LCN1: variants seen among roughly 807,000 people sequenced by gnomAD.
The protein encoded by LCN1 is lipocalin 1, also known as lipocalin-1.
Under a neutral mutation model 22.3 loss-of-function variants are expected in LCN1, and 25 were observed. The observed-to-expected ratio is 1.12, with a 90% CI of 0.82 to 1.56. LCN1 has a LOEUF of 1.56. Ranked by LOEUF, LCN1 falls within the 40% of genes most tolerant of loss-of-function variation. LCN1 has a pLI of 0.00. For missense variants in LCN1, 219 were observed against 235.6 expected (o/e 0.93, Z 0.46); for synonymous variants, 85 against 97.6 (o/e 0.87, Z 0.76).
chr9:135,522,859 C>T (rs1368894027), intron 2 of LCN1, among the ~76,000 whole-genome samples: 1 of 152,206 alleles, frequency 6.6e-6, no homozygotes, highest in East Asian at 1.9e-4. Flanking sequence ...GGATATGGGG[C>T]TTGTGCCTGA....
chr9:135,526,336 C>G lies in LCN1; in HGVS notation c.*2-8C>G, dbSNP rs1468550396. The G allele has an allele frequency of 2.4e-6, 3 of 1,250,748 alleles. No homozygotes were observed. Among genetic ancestry groups the G allele is most frequent in the African/African-American group, 1.6e-5 (1 of 62,322 alleles). The allele number at this position is 1,250,748 out of a possible 1,614,324, so 77.5% of individuals were successfully genotyped here. A position where few individuals can be genotyped will look rare whatever the true frequency, so the allele number is the denominator to read the frequency against. ...TCCTGGCCTCACTCACCCTCCCCCC[C>G]TTTCCAGGGCAGGGGACACCTTGGC... On this transcript the variant is annotated splice_polypyrimidine_tract_variant and splice_region_variant and intron_variant, in intron 6 of 6. Transcript: ENST00000371781.
At chr9:135,525,229 T>TG in intron 6 of LCN1, 71 bp downstream of exon 6, 1 of 1,471,426 alleles carries the variant, frequency 6.8e-7, no homozygotes, top group Non-Finnish European at 9.4e-7. Flanking sequence ...CCAGAGGCCA[T>TG]GGGGTCTCTC....
chr9:135,521,667 A>T, intron 1 of LCN1, 80 bp downstream of exon 1: 3 of 1,243,480 alleles, frequency 2.4e-6, no homozygotes, highest in South Asian at 2.7e-5. Flanking sequence ...TGCCTCCTCC[A>T]TCCAAGGAGA....
Position 135,522,244 on chromosome 9 carries a change from G to C in LCN1, c.221+67G>C, listed in dbSNP as rs1276755278. On this transcript the variant is annotated intron_variant, in intron 2 of 6. Coordinates refer to ENST00000371781, the MANE Select transcript of LCN1 (RefSeq NM_002297.4). ...TAGGGCCTTCCCTTTCCCCACCCAG[G>C]AGAGCTCTGGTGCTGGGGAGGTGGG... is the stretch of plus-strand genomic sequence containing the variant. The C allele has an allele frequency of 9.7e-6, 15 of 1,541,238 alleles. No homozygotes were observed. In the Admixed American group the frequency reaches 2.9e-4, roughly 30 times the overall value.
Position 135,523,316 on chromosome 9 carries a change from C to A in LCN1, c.292+14C>A, listed in dbSNP as rs377721700. 1.1e-5 allele frequency: 17 copies of A among 1,609,296 alleles called. No individual in the cohort carries two copies. In the Admixed American group the frequency reaches 1.5e-4, roughly 14 times the overall value. On this transcript the variant is annotated intron_variant, in intron 3 of 6. Transcript: ENST00000371781. ...AATACACGGCCGGTGAGTCCCGGGG[C>A]CTGAGCCAGAGCCTGAGCTTGAACA...
At position 135,521,555 on chromosome 9, in the gene LCN1, C is replaced by T; in HGVS notation, c.58C>T (p.His20Tyr). The T allele has an allele frequency of 3.1e-6, 5 of 1,613,602 alleles. No individual in the cohort carries two copies. Among genetic ancestry groups the T allele is most frequent in the South Asian group, 1.1e-5 (1 of 91,008 alleles). ...LGLIAALQAH[H>Y]LLASDEEIQD... ...CCTCATTGCTGCCCTGCAGGCCCAC[C>T]ACCTCCTGGCCTCAGACGAGGAGAT... The change falls in exon 1 of 7, where the codon CAC (histidine) becomes TAC (tyrosine). Residue 20 changes from histidine to tyrosine, a missense_variant. Physicochemically the swap from His to Tyr is moderately conservative, Grantham distance 83 (BLOSUM62 2). Coordinates refer to ENST00000371781, the MANE Select transcript of LCN1 (RefSeq NM_002297.4).
intron 1 of LCN1, 105 bp from the exon 2 acceptor site, chr9:135,521,942 C>T (rs576953212): frequency 2.1e-5 from 31 of 1,497,930 alleles, no homozygotes; most frequent in East Asian, 7.4e-5. Context: ...GAACGTTCCC[C>T]GTTTCCAGCC....
At chr9:135,525,622 C>G (rs1390487159) in intron 6 of LCN1, among the ~76,000 whole-genome samples, 1 of 152,070 alleles carries the variant, frequency 6.6e-6, no homozygotes, top group Non-Finnish European at 1.5e-5. Flanking sequence ...GGAGACTCGC[C>G]CAAGGTCACC....
At chr9:135,521,703 A>C (rs547830553) in intron 1 of LCN1, 116 bp downstream of exon 1, 1 of 797,098 alleles carries the variant, frequency 1.3e-6, no homozygotes, top group Admixed American at 2.7e-5. Flanking sequence ...TGGGCATTCA[A>C]GCCCTGCCCT....
intron 6 of LCN1, among the ~76,000 whole-genome samples, chr9:135,525,393 G>A (rs963897981): frequency 7.9e-5 from 12 of 152,244 alleles, no homozygotes; most frequent in African/African-American, 2.6e-4. Flanking sequence ...CGCTGAGCCC[G>A]CCTTTGCTGG....
chr9:135,526,359 G>A lies in LCN1; in HGVS notation c.*17G>A. ...CCCTTTCCAGGGCAGGGGACACCTT[G>A]GCTCCTCAGCAGCCCAAGGACGGCA... On this transcript the variant is annotated 3_prime_UTR_variant, in exon 7 of 7. Transcript: ENST00000371781. 1.6e-6 allele frequency: 2 copies of A among 1,262,798 alleles called. No individual in the cohort carries two copies. The highest frequency in any genetic ancestry group is 1.7e-5 in the African/African-American group (1 of 60,394). 78.2% of individuals were successfully genotyped at this position (1,262,798 alleles called of 1,614,324 possible).
At chr9:135,522,886 G>A (rs1421693110) in intron 2 of LCN1, among the ~76,000 whole-genome samples, 15 of 152,092 alleles carry the variant, frequency 9.9e-5, no homozygotes, top group Admixed American at 8.5e-4. Flanking sequence ...CTAAAAGGAA[G>A]AATGCAGCTG....
chr9:135,524,002 A>G lies in LCN1; in HGVS notation c.403+12A>G, dbSNP rs757675797. The G allele has an allele frequency of 1.2e-6, 2 of 1,600,724 alleles. No homozygotes were observed. Among genetic ancestry groups the G allele is most frequent in the South Asian group, 1.1e-5 (1 of 90,762 alleles). ...GGTGAAGCTCGTGGGTGGGTCCCGC[A>G]CCCTCACCCTGCAACCCATGCCTCC... On this transcript the variant is annotated intron_variant, in intron 4 of 6. Transcript: ENST00000371781.
rs774988763 is a variant in LCN1, at chr9:135,523,999, C to T, written c.403+9C>T. Reference sequence around the variant, plus strand: ...AGGGGTGAAGCTCGTGGGTGGGTCCCGCACCCTCACCCTGCAACCCATGCC... The same window carrying T: ...AGGGGTGAAGCTCGTGGGTGGGTCCTGCACCCTCACCCTGCAACCCATGCC... On this transcript the variant is annotated intron_variant, in intron 4 of 6. Transcript: ENST00000371781. 50 of 1,605,146 alleles carry T rather than the reference C, an allele frequency of 3.1e-5. No individual in the cohort carries two copies. Among genetic ancestry groups the T allele is most frequent in the Middle Eastern group, 1.6e-4 (1 of 6,072 alleles).
intron 1 of LCN1, 93 bp downstream of exon 1, chr9:135,521,680 C>T (rs1387554788): frequency 1.7e-6 from 2 of 1,158,610 alleles, no homozygotes; most frequent in Non-Finnish European, 2.5e-6. Flanking sequence ...CAAGGAGACC[C>T]TCGTTTTTGG....
At position 135,523,992 on chromosome 9, in the gene LCN1, T is replaced by C. The variant is rs759035027; in HGVS notation, c.403+2T>C. 1.1e-5 allele frequency: 17 copies of C among 1,611,710 alleles called. No homozygotes were observed. The highest frequency in any genetic ancestry group is 1.4e-5 in the Non-Finnish European group (16 of 1,178,020). On this transcript the variant is annotated splice_donor_variant, in intron 4 of 6. Coordinates refer to ENST00000371781, the MANE Select transcript of LCN1 (RefSeq NM_002297.4). LOFTEE classifies it high-confidence loss of function. ...CGGTCCGAGGGGTGAAGCTCGTGGGTGGGTCCCGCACCCTCACCCTGCAAC... is the reference window on the plus strand; with the variant it reads ...CGGTCCGAGGGGTGAAGCTCGTGGGCGGGTCCCGCACCCTCACCCTGCAAC...
intron 6 of LCN1, among the ~76,000 whole-genome samples, chr9:135,525,644 G>A (rs1037938114): frequency 2.0e-5 from 3 of 152,056 alleles, no homozygotes; most frequent in Admixed American, 2.0e-4. Flanking sequence ...GCCCAGGTGT[G>A]GGCAGAGCCA....
At chr9:135,526,291 T>C in intron 6 of LCN1, 53 bp from the exon 7 acceptor site, 1 of 507,936 alleles carries the variant, frequency 2.0e-6, no homozygotes, top group Non-Finnish European at 2.5e-6. Flanking sequence ...CCACATTGCA[T>C]CCCCCTCCCA....
rs149241966 is a variant in LCN1 at position 135,523,237 on chromosome 9, G to A, written c.227G>A (p.Ser76Asn). 1.0e-3 allele frequency: 1,643 copies of A among 1,611,998 alleles called. 14 individuals carry two copies. In the African/African-American group the frequency reaches 0.019, roughly 18 times the overall value. ...AGGGGGCTTCTGTTTTCCAGGATAA[G>A]TGGCCGGTGCCAGGAGGTGAAGGCC... ...NLEAKVTMLISGRCQEVKAVL... is the reference protein window; with the variant it reads ...NLEAKVTMLINGRCQEVKAVL... Residue 76 changes from serine (S) to asparagine (N), a missense_variant, in exon 3 of 7, where the codon AGT becomes AAT. Coordinates refer to ENST00000371781, the MANE Select transcript of LCN1 (RefSeq NM_002297.4).
Sources: allele counts gnomAD v4.1 joint callset (sites outside exome capture counted in the v4.1 genomes callset), GRCh38; gene constraint gnomAD v4.1.1; transcripts MANE v1.5; gene names NCBI Gene and HGNC (gene_info 2026-07-23, HGNC 2026-07-21).